Variants in KIAA1958 observed in about 807,000 individuals in gnomAD.
KIAA1958 encodes KIAA1958.
A neutral mutation model predicts 47.2 loss-of-function variants in KIAA1958; 14 were observed. That is an observed-to-expected ratio of 0.30 (90% CI 0.20 to 0.46). The LOEUF (loss-of-function observed/expected upper bound fraction) is 0.46, where lower values mean the gene tolerates loss of function less well. Ranked by LOEUF, KIAA1958 falls within the 20% of genes least tolerant of loss-of-function variation. The probability of loss-of-function intolerance (pLI) is 1.00; values close to 1 mark genes in which losing one functional copy is unlikely to be tolerated. For missense variants in KIAA1958, 803 were observed against 909.2 expected (o/e 0.88, Z 1.50); for synonymous variants, 354 against 353.3 (o/e 1.00, Z -0.02).
intron 1 of KIAA1958, among the ~76,000 whole-genome samples, chr9:112,517,539 G>T (rs115710867): frequency 0.019 from 2,864 of 152,208 alleles, 83 homozygotes; most frequent in African/African-American, 0.063. Context: ...ATTATGCAAT[G>T]ATTTCTTAGA....
chr9:112,658,685 C>T (rs771746707), intron 3 of KIAA1958, among the ~76,000 whole-genome samples: 7 of 152,128 alleles, frequency 4.6e-5, no homozygotes, highest in African/African-American at 9.6e-5. Context: ...TTAGACCAGG[C>T]GTGGTGGCTG....
At chr9:112,531,728 T>C (rs993548918) in intron 1 of KIAA1958, among the ~76,000 whole-genome samples, 1 of 152,252 alleles carries the variant, frequency 6.6e-6, no homozygotes, top group Non-Finnish European at 1.5e-5. Context: ...TTTTGATAAT[T>C]ACAACCCTTT....
chr9:112,486,835 CGCCCGCCGCGCTCCGA>C lies in KIAA1958; in HGVS notation c.-304_-289del, dbSNP rs1263617954. ...GCCCGCCCGCGCCCCGCCCCCTGCC[CGCCCGCCGCGCTCCGA>C]GCCGGGCGCGCGGAGCTCGGGGCGC... On this transcript the variant is annotated 5_prime_UTR_variant, in exon 1 of 4. Coordinates refer to ENST00000337530, the MANE Select transcript of KIAA1958 (RefSeq NM_133465.4). 1 of 142,754 alleles carries C rather than the reference CGCCCGCCGCGCTCCGA, an allele frequency of 7.0e-6. No individual in the cohort carries two copies. The highest frequency in any genetic ancestry group is 6.9e-5 in the Admixed American group (1 of 14,522). The allele number at this position is 142,754 out of a possible 1,614,324, so 8.8% of individuals were successfully genotyped here. A position where few individuals can be genotyped will look rare whatever the true frequency, so the allele number is the denominator to read the frequency against.
rs368246788 is a variant in KIAA1958 at position 112,618,174 on chromosome 9, A to G, written c.1172-27476A>G. On this transcript the variant is annotated intron_variant, in intron 2 of 3. Coordinates refer to ENST00000337530, the MANE Select transcript of KIAA1958 (RefSeq NM_133465.4). This position sits in a 1 kb window ranked among gnomAD's most constrained non-coding sequence, Gnocchi z 7.1. ...AGCATCACCAGGGATAAGGAATTCAAGCGTTCCCAAGAGGCCCTGAAGCAG... is the reference window on the plus strand; with the variant it reads ...AGCATCACCAGGGATAAGGAATTCAGGCGTTCCCAAGAGGCCCTGAAGCAG... 55 of 1,550,528 alleles carry G rather than the reference A, an allele frequency of 3.5e-5. No homozygotes were observed. Among genetic ancestry groups the G allele is most frequent in the African/African-American group, 1.8e-4 (13 of 73,046 alleles).
At chr9:112,527,817 G>C (rs1263341691) in intron 1 of KIAA1958, among the ~76,000 whole-genome samples, 1 of 151,764 alleles carries the variant, frequency 6.6e-6, no homozygotes, top group Non-Finnish European at 1.5e-5. Context: ...CGTGCCTGTG[G>C]TCCCAGCTAC....
intron 2 of KIAA1958, among the ~76,000 whole-genome samples, chr9:112,602,601 T>G (rs1343748482): frequency 6.6e-6 from 1 of 152,160 alleles, no homozygotes; most frequent in South Asian, 2.1e-4. Flanking sequence ...AGTTGAAGTA[T>G]TATTTGCTTT....
intron 1 of KIAA1958, among the ~76,000 whole-genome samples, chr9:112,496,227 A>G (rs969099631): frequency 5.3e-5 from 8 of 152,252 alleles, no homozygotes; most frequent in Non-Finnish European, 7.3e-5. Context: ...GGAATACTGT[A>G]GATCGATGAG....
chr9:112,549,036 A>T (rs1180680887), intron 1 of KIAA1958, among the ~76,000 whole-genome samples: 1 of 152,240 alleles, frequency 6.6e-6, no homozygotes, highest in Non-Finnish European at 1.5e-5. Context: ...CTGTGAAAAA[A>T]TAACTTCCTG....
intron 1 of KIAA1958, among the ~76,000 whole-genome samples, chr9:112,566,187 G>A (rs1003704734): frequency 6.6e-6 from 1 of 152,088 alleles, no homozygotes; most frequent in Non-Finnish European, 1.5e-5. Flanking sequence ...ACAGGCATGA[G>A]CCACCGTGCC....
At chr9:112,518,330 T>G (rs544371936) in intron 1 of KIAA1958, among the ~76,000 whole-genome samples, 1 of 152,326 alleles carries the variant, frequency 6.6e-6, no homozygotes, top group Admixed American at 6.5e-5. Context: ...TATTAGCAAG[T>G]GAATGGATAA....
At chr9:112,619,161 T>C in intron 2 of KIAA1958, 1 of 210,736 alleles carries the variant, frequency 4.7e-6, no homozygotes, top group Non-Finnish European at 8.3e-6. Context: ...TTACAGACTT[T>C]ACAAAACCAT....
chr9:112,618,808 G>A lies in KIAA1958; in HGVS notation c.1172-26842G>A. On this transcript the variant is annotated intron_variant, in intron 2 of 3. Transcript: ENST00000337530. This position sits in a 1 kb window ranked among gnomAD's most constrained non-coding sequence, Gnocchi z 7.1. ...AGGCCCAGAGCAACCAGCTCGTGCT[G>A]ATCTGTAACAATCTGAGCCAGCAGG... The A allele has an allele frequency of 1.3e-6, 2 of 1,550,644 alleles. No homozygotes were observed. Among genetic ancestry groups the A allele is most frequent in the Non-Finnish European group, 8.7e-7 (1 of 1,147,008 alleles).
At chr9:112,577,134 C>G (rs1158349076) in intron 2 of KIAA1958, among the ~76,000 whole-genome samples, 1 of 151,936 alleles carries the variant, frequency 6.6e-6, no homozygotes, top group Non-Finnish European at 1.5e-5. Context: ...GCTTGTTAGC[C>G]ATTTGTATAT....
At chr9:112,494,499 G>A (rs1834020210) in intron 1 of KIAA1958, among the ~76,000 whole-genome samples, 1 of 148,446 alleles carries the variant, frequency 6.7e-6, no homozygotes, top group Non-Finnish European at 1.5e-5. Context: ...TTTTTTGACA[G>A]TCTCTGTCAC....
At chr9:112,640,067 T>C (rs1469985170) in intron 2 of KIAA1958, among the ~76,000 whole-genome samples, 1 of 152,252 alleles carries the variant, frequency 6.6e-6, no homozygotes, top group African/African-American at 2.4e-5. Flanking sequence ...TTTCTCTTAG[T>C]TTTCATTCAT....
chr9:112,565,359 C>T lies in KIAA1958; in HGVS notation c.-24-8698C>T, dbSNP rs192096000. Among the ~76,000 whole-genome samples, 10 of 152,338 alleles carry T rather than the reference C, an allele frequency of 6.6e-5. No homozygotes were observed. In the East Asian group the frequency reaches 1.9e-3, roughly 29 times the overall value. On this transcript the variant is annotated intron_variant, in intron 1 of 3. Transcript: ENST00000337530. ...GCTCAAACAATCCTCCTTCTTTGGCCTCCCAAAGTGCTGGGATTACAGGCA... is the reference window on the plus strand; with the variant it reads ...GCTCAAACAATCCTCCTTCTTTGGCTTCCCAAAGTGCTGGGATTACAGGCA...
At chr9:112,581,903 C>T (rs945320864) in intron 2 of KIAA1958, 5 of 230,740 alleles carry the variant, frequency 2.2e-5, no homozygotes, top group Non-Finnish European at 4.6e-5. Context: ...CCAGACTCAA[C>T]TCTTCCCTGA....
intron 1 of KIAA1958, among the ~76,000 whole-genome samples, chr9:112,503,257 G>A (rs1168653045): frequency 6.6e-6 from 1 of 152,128 alleles, no homozygotes; most frequent in Non-Finnish European, 1.5e-5. Flanking sequence ...TGAATGAGAG[G>A]GCTTGACATT....
In KIAA1958 at chr9:112,660,029, A is replaced by G. The variant is rs1222911713; in HGVS notation, c.2111A>G (p.Gln704Arg). ...CENFTFVSFT[Q>R]VSRRLGSHSC... ...AACTTCACCTTTGTCTCGTTCACTC[A>G]GGTCTCCCGGAGGCTTGGCTCCCAC... Residue 704 changes from glutamine to arginine, a missense_variant, in exon 4 of 4, where the codon CAG (glutamine) becomes CGG (arginine). Coordinates refer to ENST00000337530, the MANE Select transcript of KIAA1958 (RefSeq NM_133465.4). 6.2e-6 allele frequency: 10 copies of G among 1,613,818 alleles called. No homozygotes were observed. Among genetic ancestry groups the G allele is most frequent in the Non-Finnish European group, 8.5e-6 (10 of 1,180,054 alleles).
Sources: gnomAD v4.1 joint callset for allele counts (sites outside exome capture counted in the v4.1 genomes callset) on GRCh38, gnomAD v4.1.1 for gene constraint, Gnocchi (gnomAD v3.1) non-coding constraint, MANE v1.5 for transcripts, NCBI Gene and HGNC (gene_info 2026-07-23, HGNC 2026-07-21) for gene names.